The following AP1AR variants were observed in gnomAD, a reference collection of about 807,000 sequenced individuals.
AP1AR encodes adaptor related protein complex 1 associated regulatory protein.
AP1AR carries 29 observed loss-of-function variants against 46.3 expected under a neutral mutation model. The observed-to-expected ratio is 0.63, with a 90% confidence interval of 0.47 to 0.85. The LOEUF is 0.85. Ranked by LOEUF, AP1AR falls within the 40% of genes least tolerant of loss-of-function variation. AP1AR has a pLI of 0.00. For missense variants in AP1AR, 357 were observed against 356.3 expected, an observed-to-expected ratio of 1.00 and a Z score of -0.02; for synonymous variants, 122 against 122.9, an observed-to-expected ratio of 0.99 and a Z score of 0.05.
rs577284776 is a variant in AP1AR at position 112,271,772 on chromosome 4, T to C, written c.*3363T>C. Among the ~76,000 whole-genome samples the C allele has an allele frequency of 6.6e-6, 1 of 152,302 alleles. No individual in the cohort carries two copies. Among genetic ancestry groups the C allele is most frequent in the East Asian group, 1.9e-4 (1 of 5,196 alleles). ...TGAAGATGTCAAGTAGGTGATGGGATATATGTCTGCAGCCCAAGAAAGAGG... is the reference window on the plus strand; with the variant it reads ...TGAAGATGTCAAGTAGGTGATGGGACATATGTCTGCAGCCCAAGAAAGAGG... On this transcript the variant is annotated 3_prime_UTR_variant, in exon 10 of 10. Coordinates refer to ENST00000274000, the MANE Select transcript of AP1AR (RefSeq NM_018569.6).
chr4:112,240,251 C>CT lies in AP1AR; in HGVS notation c.83+8080dup, dbSNP rs1725431343. ...GTCACACTTTTCCTTGAATCTATTT[C>CT]TTTCCTTTTTACTTAGATGACTCCT... On this transcript the variant is annotated intron_variant, in intron 1 of 9. Transcript: ENST00000274000. 2.0e-5 allele frequency among the ~76,000 whole-genome samples: 3 copies of CT among 152,226 alleles called. No homozygotes were observed. The South Asian group carries it at 6.2e-4, about 32-fold the overall frequency.
intron 1 of AP1AR, among the ~76,000 whole-genome samples, chr4:112,243,771 T>C (rs1204465149): frequency 6.6e-6 from 1 of 152,196 alleles, no homozygotes; most frequent in Non-Finnish European, 1.5e-5. Flanking sequence ...AAATGTCTCT[T>C]TGTACACATG....
rs1296155628 is a variant in AP1AR at position 112,265,087 on chromosome 4, C to G, written c.440+20C>G. ...TCAAAGGTAAATAGTGAAACATATG[C>G]CTCCTTCCCTTTGTGGTAGAACATT... On this transcript the variant is annotated intron_variant, in intron 7 of 9. Transcript: ENST00000274000. The G allele has an allele frequency of 5.1e-6, 8 of 1,577,034 alleles. No homozygotes were observed. Among genetic ancestry groups the G allele is most frequent in the Non-Finnish European group, 6.0e-6 (7 of 1,160,302 alleles).
chr4:112,243,641 A>G (rs1560603674), intron 1 of AP1AR, among the ~76,000 whole-genome samples: 1 of 152,184 alleles, frequency 6.6e-6, no homozygotes, highest in Non-Finnish European at 1.5e-5. Flanking sequence ...CCTGTGCAGT[A>G]TTGTATTATA....
intron 2 of AP1AR, 108 bp from the exon 3 acceptor site, chr4:112,254,639 C>G (rs1726102524): frequency 1.7e-6 from 1 of 598,716 alleles, no homozygotes; most frequent in Admixed American, 3.8e-5. Context: ...AAATAGCTTA[C>G]AAATATAAAG....
chr4:112,263,464 GT>G (rs561616152), intron 6 of AP1AR, among the ~76,000 whole-genome samples: 3,113 of 142,238 alleles, frequency 0.022, 82 homozygotes, highest in African/African-American at 0.067. Flanking sequence ...TTTTGTGAGG[GT>G]TTTTTTTTTT....
chr4:112,259,355 T>G (rs1726341715), intron 4 of AP1AR, among the ~76,000 whole-genome samples: 1 of 152,198 alleles, frequency 6.6e-6, no homozygotes, highest in Non-Finnish European at 1.5e-5. Context: ...AGATTCTGGC[T>G]TTGCCACATA....
chr4:112,267,865 T>C (rs564656420), intron 9 of AP1AR, among the ~76,000 whole-genome samples: 1 of 152,000 alleles, frequency 6.6e-6, no homozygotes, highest in Non-Finnish European at 1.5e-5. Context: ...CCATCCATTC[T>C]GTTTTATTTA....
rs1031456700 is a variant in AP1AR, at chr4:112,273,083, A to G, written c.*4674A>G. The G allele has an allele frequency of 6.6e-5, 10 of 152,098 alleles. No individual in the cohort carries two copies. The highest frequency in any genetic ancestry group is 1.5e-4 in the African/African-American group (6 of 41,370). 9.4% of individuals were successfully genotyped at this position (152,098 alleles called of 1,614,324 possible). ...TCCTAAATGTAAAACAACAACAACA[A>G]TAACAATAAAAATGGAGAGAAACAG... On this transcript the variant is annotated 3_prime_UTR_variant, in exon 10 of 10. Transcript: ENST00000274000.
chr4:112,244,612 AT>A (rs1201157587), intron 1 of AP1AR, among the ~76,000 whole-genome samples: 2 of 151,752 alleles, frequency 1.3e-5, no homozygotes, highest in Admixed American at 1.3e-4. Context: ...GCTCATAACC[AT>A]TTTTTTTCTT....
Position 112,260,868 on chromosome 4 carries a change from T to C in AP1AR, c.282+6T>C, listed in dbSNP as rs1726412605. On this transcript the variant is annotated splice_donor_region_variant and intron_variant, in intron 5 of 9. Coordinates refer to ENST00000274000, the MANE Select transcript of AP1AR (RefSeq NM_018569.6). ...ATAAGAAAATTCAAAAAGAGGTAAA[T>C]TGTCTTTTATATTGCTTAAGTACAT... 1 of 1,518,382 alleles carries C rather than the reference T, an allele frequency of 6.6e-7. No homozygotes were observed. The allele number at this position is 1,518,382 out of a possible 1,614,324, so 94.1% of individuals were successfully genotyped here. A position where few individuals can be genotyped will look rare whatever the true frequency, so the allele number is the denominator to read the frequency against.
intron 3 of AP1AR, among the ~76,000 whole-genome samples, chr4:112,256,163 A>G (rs1369726743): frequency 6.6e-6 from 1 of 152,226 alleles, no homozygotes; most frequent in Non-Finnish European, 1.5e-5. Flanking sequence ...TGTTCAACTC[A>G]GCTCTTCTTA....
In AP1AR at chr4:112,263,579, T is replaced by C. The variant is rs148411063; in HGVS notation, c.381+493T>C. Among the ~76,000 whole-genome samples, 71 of 152,242 alleles carry C rather than the reference T, an allele frequency of 4.7e-4. 1 individual carries two copies. The highest frequency in any genetic ancestry group is 3.5e-4 in the Non-Finnish European group (24 of 68,002). The stretch of plus-strand genomic sequence containing the variant: ...TACTTGCTTCTCATCTTTATTCTTG[T>C]GTCCTTGGGAGATTGGGAGTTTGGG... On this transcript the variant is annotated intron_variant, in intron 6 of 9. Coordinates refer to ENST00000274000, the MANE Select transcript of AP1AR (RefSeq NM_018569.6).
chr4:112,267,693 T>C (rs370297521), intron 9 of AP1AR, among the ~76,000 whole-genome samples: 35 of 152,074 alleles, frequency 2.3e-4, no homozygotes, highest in African/African-American at 8.4e-4. Context: ...TTCATATCTG[T>C]GGCATATATG....
intron 1 of AP1AR, among the ~76,000 whole-genome samples, chr4:112,241,906 A>T (rs1198078898): frequency 5.9e-5 from 9 of 152,160 alleles, no homozygotes. Flanking sequence ...AAAAAATAGC[A>T]TTCTTGGGAA....
intron 2 of AP1AR, 97 bp from the exon 3 acceptor site, chr4:112,254,650 G>T: frequency 1.5e-6 from 1 of 668,372 alleles, no homozygotes; most frequent in Non-Finnish European, 2.5e-6. Context: ...AAATATAAAG[G>T]TATATTATTT....
chr4:112,241,831 T>G (rs1725513020), intron 1 of AP1AR, among the ~76,000 whole-genome samples: 1 of 152,240 alleles, frequency 6.6e-6, no homozygotes, highest in Non-Finnish European at 1.5e-5. Flanking sequence ...AAAACAATGT[T>G]TCCATCATCT....
At chr4:112,233,661 G>A (rs1292319371) in intron 1 of AP1AR, among the ~76,000 whole-genome samples, 2 of 152,188 alleles carry the variant, frequency 1.3e-5, no homozygotes, top group African/African-American at 4.8e-5. Flanking sequence ...ATTTGACTTT[G>A]GACTACATGA....
chr4:112,238,761 T>A (rs1725357290), intron 1 of AP1AR, among the ~76,000 whole-genome samples: 1 of 152,248 alleles, frequency 6.6e-6, no homozygotes, highest in Non-Finnish European at 1.5e-5. Context: ...GCTAATAAGT[T>A]CAGTCATCTC....
Sources: allele counts gnomAD v4.1 joint callset (sites outside exome capture counted in the v4.1 genomes callset), GRCh38; gene constraint gnomAD v4.1.1; transcripts MANE v1.5; gene names NCBI Gene and HGNC (gene_info 2026-07-23, HGNC 2026-07-21).